Variants in TAF3 observed in about 807,000 individuals in gnomAD.
TAF3 encodes the protein transcription initiation factor TFIID subunit 3.
TAF3 carries 7 observed loss-of-function variants against 80.6 expected under a neutral mutation model. The ratio of observed to expected loss-of-function variants is 0.09; its 90% CI spans 0.05 to 0.16. TAF3 has a LOEUF of 0.16. Ranked by LOEUF, TAF3 falls within the 10% of genes least tolerant of loss-of-function variation. The probability of loss-of-function intolerance (pLI) is 1.00; values close to 1 mark genes in which losing one functional copy is unlikely to be tolerated. For missense variants in TAF3, 921 were observed against 1,140.2 expected, an observed-to-expected ratio of 0.81 and a Z score of 2.77; for synonymous variants, 444 against 446.1, an observed-to-expected ratio of 1.00 and a Z score of 0.06.
chr10:7,819,618 G>T (rs1588511059), intron 1 of TAF3, among the ~76,000 whole-genome samples: 1 of 152,084 alleles, frequency 6.6e-6, no homozygotes, highest in Non-Finnish European at 1.5e-5. Flanking sequence ...ATAGCTAGTG[G>T]TATTTAATAA....
chr10:7,840,443 C>CAA (rs1486866681), intron 2 of TAF3, among the ~76,000 whole-genome samples: 38 of 151,546 alleles, frequency 2.5e-4, no homozygotes, highest in Admixed American at 2.5e-3. Flanking sequence ...TGAGCCACCG[C>CAA]GCCCGGCCTG....
intron 2 of TAF3, among the ~76,000 whole-genome samples, chr10:7,915,502 G>T (rs1283528397): frequency 2.0e-5 from 3 of 151,126 alleles, no homozygotes; most frequent in Admixed American, 6.6e-5. Context: ...AATTAGCCGG[G>T]CATGGTGGTG....
At chr10:7,973,984 C>T (rs140982712) in intron 3 of TAF3, among the ~76,000 whole-genome samples, 1,527 of 152,098 alleles carry the variant, frequency 0.01, 30 homozygotes, top group African/African-American at 0.035. Flanking sequence ...AAAAAGTAGC[C>T]GGGCATGGTG....
At chr10:7,922,100 C>G (rs1036579089) in intron 2 of TAF3, among the ~76,000 whole-genome samples, 1 of 152,084 alleles carries the variant, frequency 6.6e-6, no homozygotes, top group Non-Finnish European at 1.5e-5. Flanking sequence ...AAATTCAACT[C>G]TCAGTATTCA....
intron 2 of TAF3, among the ~76,000 whole-genome samples, chr10:7,944,155 G>T (rs1260091090): frequency 6.7e-6 from 1 of 149,468 alleles, no homozygotes; most frequent in Non-Finnish European, 1.5e-5. Context: ...GGAGGGAAAA[G>T]GTAGATGAAA....
rs372956628 is a variant in TAF3 at position 7,941,007 on chromosome 10, AC to A, written c.410-22912del. ...AAAGAAAAAGAAAACAATATAAAATACAGAAGTGGAAAGCTCATGACCTGTT... is the reference window on the plus strand; with the variant it reads ...AAAGAAAAAGAAAACAATATAAAATAAGAAGTGGAAAGCTCATGACCTGTT... On this transcript the variant is annotated intron_variant, in intron 2 of 6. Transcript: ENST00000344293. 1.5e-3 allele frequency among the ~76,000 whole-genome samples: 228 copies of A among 152,220 alleles called. 1 individual carries two copies. The highest frequency in any genetic ancestry group is 5.3e-3 in the African/African-American group (220 of 41,556).
intron 2 of TAF3, among the ~76,000 whole-genome samples, chr10:7,846,263 A>G (rs76893149): frequency 0.18 from 26,865 of 152,116 alleles, 2,813 homozygotes; most frequent in East Asian, 0.52. Context: ...GGCCAAAAGG[A>G]TGAAGTTTTT....
At chr10:7,929,785 G>A (rs1837851603) in intron 2 of TAF3, among the ~76,000 whole-genome samples, 1 of 152,022 alleles carries the variant, frequency 6.6e-6, no homozygotes, top group Non-Finnish European at 1.5e-5. Flanking sequence ...TTAGATCTAG[G>A]CTTTAATTTT....
In TAF3 at chr10:7,930,763, G is replaced by A. The variant is rs188714019; in HGVS notation, c.410-33157G>A. Among the ~76,000 whole-genome samples the A allele has an allele frequency of 2.2e-4, 34 of 152,124 alleles. No homozygotes were observed. The East Asian group carries it at 5.0e-3, about 22-fold the overall frequency. On this transcript the variant is annotated intron_variant, in intron 2 of 6. Coordinates refer to ENST00000344293, the MANE Select transcript of TAF3 (RefSeq NM_031923.4). The stretch of plus-strand genomic sequence containing the variant: ...AGTCAGCAGTTCTATAGATATACTC[G>A]ATACTGGTATCCATTTTTTTTTCTG...
At chr10:7,857,953 A>C (rs1837099299) in intron 2 of TAF3, among the ~76,000 whole-genome samples, 1 of 149,904 alleles carries the variant, frequency 6.7e-6, no homozygotes, top group African/African-American at 2.5e-5. Flanking sequence ...TTTCTCAGAA[A>C]CTTTGCCAGC....
chr10:7,881,532 A>G (rs1021806775), intron 2 of TAF3, among the ~76,000 whole-genome samples: 3 of 152,032 alleles, frequency 2.0e-5, no homozygotes, highest in Non-Finnish European at 2.9e-5. Context: ...CAGGTTTAGT[A>G]TAAAATTTAG....
chr10:7,892,573 A>G (rs1837466094), intron 2 of TAF3, among the ~76,000 whole-genome samples: 1 of 152,190 alleles, frequency 6.6e-6, no homozygotes, highest in Non-Finnish European at 1.5e-5. Flanking sequence ...TAAATCTTAA[A>G]CTGGTAAAAT....
At chr10:7,913,972 A>G (rs1020189441) in intron 2 of TAF3, among the ~76,000 whole-genome samples, 1 of 152,212 alleles carries the variant, frequency 6.6e-6, no homozygotes, top group African/African-American at 2.4e-5. Flanking sequence ...AGTGGCATGA[A>G]AAAAAGAGAG....
intron 2 of TAF3, among the ~76,000 whole-genome samples, chr10:7,893,822 T>G (rs999602661): frequency 9.2e-5 from 14 of 152,178 alleles, no homozygotes; most frequent in African/African-American, 2.9e-4. Context: ...AGGATCCTTC[T>G]TACATAAATT....
chr10:7,898,915 TC>T (rs1235349202), intron 2 of TAF3, among the ~76,000 whole-genome samples: 2 of 152,180 alleles, frequency 1.3e-5, no homozygotes, highest in African/African-American at 4.8e-5. Context: ...AGTGAAAGTT[TC>T]ATGCGTACTG....
intron 4 of TAF3, among the ~76,000 whole-genome samples, chr10:7,983,682 A>G (rs1470345438): frequency 1.3e-5 from 2 of 152,122 alleles, no homozygotes; most frequent in East Asian, 1.9e-4. Context: ...GTTAAAAGCT[A>G]AACATCATGA....
chr10:7,871,008 A>G (rs1023533843), intron 2 of TAF3, among the ~76,000 whole-genome samples: 20 of 152,204 alleles, frequency 1.3e-4, no homozygotes, highest in African/African-American at 4.8e-4. Context: ...TTATTTTTGT[A>G]TAAGGAAAGA....
chr10:7,956,698 A>ATC (rs1564370929), intron 2 of TAF3, among the ~76,000 whole-genome samples: 1 of 152,188 alleles, frequency 6.6e-6, no homozygotes, highest in East Asian at 1.9e-4. Flanking sequence ...ATGATTTCAC[A>ATC]TCATTTCCCT....
chr10:7,975,272 C>A (rs1192303647), intron 3 of TAF3, among the ~76,000 whole-genome samples: 1 of 152,000 alleles, frequency 6.6e-6, no homozygotes, highest in Non-Finnish European at 1.5e-5. Context: ...ACCGGTATTT[C>A]CTGTGGAGTT....
Sources: gnomAD v4.1 joint callset for allele counts (sites outside exome capture counted in the v4.1 genomes callset) on GRCh38, gnomAD v4.1.1 for gene constraint, MANE v1.5 for transcripts, NCBI Gene and HGNC (gene_info 2026-07-23, HGNC 2026-07-21) for gene names.